ADGRG6: variants seen among roughly 807,000 people sequenced by gnomAD.
ADGRG6 encodes G-protein coupled receptor 126.
ADGRG6 carries 84 observed loss-of-function variants against 142.4 expected under a neutral mutation model. The ratio of observed to expected loss-of-function variants is 0.59; its 90% CI spans 0.49 to 0.71. The LOEUF (loss-of-function observed/expected upper bound fraction) is 0.71, where lower values mean the gene tolerates loss of function less well. ADGRG6 is among the 30% of genes least tolerant of loss of function. ADGRG6 has a pLI of 0.00. For missense variants in ADGRG6, 1,367 were observed against 1,466.6 expected, an observed-to-expected ratio of 0.93 and a Z score of 1.11; for synonymous variants, 521 against 520.5, an observed-to-expected ratio of 1.00 and a Z score of -0.01.
In ADGRG6 at chr6:142,309,584, T is replaced by C. The variant is rs771990833; in HGVS notation, c.43T>C (p.Trp15Arg). The change falls in exon 2 of 25, where the codon TGG becomes CGG. Residue 15 changes from tryptophan (W) to arginine (R), a missense_variant. Physicochemically the swap from Trp to Arg is moderately radical, Grantham distance 101. Transcript: ENST00000367609. ...SDRMWSCHWK[W>R]KPSPLLFLFA... The stretch of plus-strand genomic sequence containing the variant: ...TCGAATGTGGAGCTGCCATTGGAAA[T>C]GGAAGCCCAGTCCTCTCCTGTTCTT... 4 of 1,609,858 alleles carry C rather than the reference T, an allele frequency of 2.5e-6. No homozygotes were observed. The South Asian group carries it at 3.3e-5, about 13-fold the overall frequency.
At chr6:142,335,424 CA>C (rs1275296568) in intron 2 of ADGRG6, among the ~76,000 whole-genome samples, 1 of 152,056 alleles carries the variant, frequency 6.6e-6, no homozygotes, top group African/African-American at 2.4e-5. Flanking sequence ...AAATGGAGAA[CA>C]GGGGAGCACA....
At chr6:142,382,616 A>G (rs1394558468) in intron 5 of ADGRG6, among the ~76,000 whole-genome samples, 1 of 152,218 alleles carries the variant, frequency 6.6e-6, no homozygotes, top group East Asian at 1.9e-4. Context: ...AATTAAAGTT[A>G]TACAAGTTTT....
intron 18 of ADGRG6, 90 bp downstream of exon 18, chr6:142,411,501 TG>T (rs1200006841): frequency 1.3e-5 from 10 of 747,354 alleles, no homozygotes; most frequent in Admixed American, 1.3e-4. Flanking sequence ...TTATGTATTT[TG>T]GGAATTATTT....
intron 2 of ADGRG6, among the ~76,000 whole-genome samples, chr6:142,326,946 C>T (rs191196446): frequency 6.6e-6 from 1 of 152,148 alleles, no homozygotes; most frequent in Non-Finnish European, 1.5e-5. Context: ...ATCATTCTTT[C>T]AGAAACTGAT....
intron 2 of ADGRG6, among the ~76,000 whole-genome samples, chr6:142,336,736 A>G (rs912451117): frequency 1.3e-5 from 2 of 152,200 alleles, no homozygotes; most frequent in Non-Finnish European, 2.9e-5. Context: ...TTCTTTTATG[A>G]CACCCTCCTT....
At chr6:142,357,323 T>C (rs570648167) in intron 2 of ADGRG6, among the ~76,000 whole-genome samples, 45 of 152,304 alleles carry the variant, frequency 3.0e-4, no homozygotes, top group Admixed American at 5.9e-4. Context: ...TTATAAATAC[T>C]TTGAAAACTA....
At chr6:142,358,636 G>T (rs1223787706) in intron 2 of ADGRG6, among the ~76,000 whole-genome samples, 1 of 152,198 alleles carries the variant, frequency 6.6e-6, no homozygotes, top group Non-Finnish European at 1.5e-5. Context: ...GCTGGGCCCG[G>T]TGGCTCACAC....
chr6:142,385,609 A>G (rs1210667609), intron 6 of ADGRG6, among the ~76,000 whole-genome samples: 1 of 152,222 alleles, frequency 6.6e-6, no homozygotes, highest in Non-Finnish European at 1.5e-5. Context: ...AGTTGTAAAA[A>G]GTGAATATAA....
intron 22 of ADGRG6, among the ~76,000 whole-genome samples, chr6:142,428,630 C>CATGGT (rs1168206220): frequency 6.6e-6 from 1 of 152,122 alleles, no homozygotes; most frequent in Non-Finnish European, 1.5e-5. Flanking sequence ...GCACATCTTA[C>CATGGT]ATGGTGGCAG....
intron 9 of ADGRG6, among the ~76,000 whole-genome samples, chr6:142,396,200 C>T (rs372042371): frequency 2.6e-5 from 4 of 152,100 alleles, no homozygotes; most frequent in Non-Finnish European, 4.4e-5. Flanking sequence ...ACTGGAGTGG[C>T]GAAGCTTGTC....
intron 7 of ADGRG6, among the ~76,000 whole-genome samples, chr6:142,392,433 ATTG>A (rs1261103982): frequency 2.0e-5 from 3 of 151,796 alleles, no homozygotes; most frequent in African/African-American, 7.2e-5. Context: ...TTTAATTTAT[ATTG>A]TTAATTTATA....
intron 4 of ADGRG6, among the ~76,000 whole-genome samples, chr6:142,375,013 C>T (rs184986708): frequency 1.3e-5 from 2 of 152,230 alleles, no homozygotes; most frequent in Admixed American, 6.5e-5. Flanking sequence ...GAATGTATTT[C>T]TCCAGTCTAA....
intron 2 of ADGRG6, among the ~76,000 whole-genome samples, chr6:142,348,505 A>G (rs1305058926): frequency 2.0e-5 from 3 of 152,188 alleles, no homozygotes; most frequent in African/African-American, 7.2e-5. Flanking sequence ...CATTCCTGAC[A>G]TCATTTGGAA....
At position 142,382,024 on chromosome 6, in the gene ADGRG6, G is replaced by T. The variant is rs772641282; in HGVS notation, c.1138+5G>T. 2 of 1,572,516 alleles carry T rather than the reference G, an allele frequency of 1.3e-6. No individual in the cohort carries two copies. Among genetic ancestry groups the T allele is most frequent in the African/African-American group, 2.7e-5 (2 of 74,072 alleles). On this transcript the variant is annotated splice_donor_5th_base_variant and intron_variant, in intron 5 of 24. Transcript: ENST00000367609. ...ACCTGGGGACCCTCTGTCAAGGTAGGGAGCCCACACCGTGCTCTGGAATCT... is the reference window on the plus strand; with the variant it reads ...ACCTGGGGACCCTCTGTCAAGGTAGTGAGCCCACACCGTGCTCTGGAATCT...
chr6:142,362,093 A>G (rs1316139661), intron 2 of ADGRG6, among the ~76,000 whole-genome samples: 2 of 152,236 alleles, frequency 1.3e-5, no homozygotes, highest in Admixed American at 6.5e-5. Flanking sequence ...CATTAACAGT[A>G]TTACAGAAGA....
chr6:142,415,659 T>G, intron 19 of ADGRG6, 137 bp from the exon 20 acceptor site: 1 of 616,800 alleles, frequency 1.6e-6, no homozygotes, highest in Non-Finnish European at 2.8e-6. Context: ...CCCCTCCTTT[T>G]AGCAGAACCA....
intron 20 of ADGRG6, 136 bp downstream of exon 20, chr6:142,416,200 A>T (rs983873840): frequency 4.7e-6 from 3 of 642,878 alleles, no homozygotes; most frequent in African/African-American, 3.7e-5. Flanking sequence ...TGGATTAGAT[A>T]TACATAGCCT....
At chr6:142,417,892 G>A (rs1185687777) in intron 21 of ADGRG6, among the ~76,000 whole-genome samples, 1 of 151,992 alleles carries the variant, frequency 6.6e-6, no homozygotes, top group South Asian at 2.1e-4. Context: ...GTCCACCATG[G>A]GTACTCAATA....
At chr6:142,371,067 CAG>C (rs1201906589) in intron 4 of ADGRG6, 5 of 372,848 alleles carry the variant, frequency 1.3e-5, no homozygotes, top group Non-Finnish European at 1.9e-5. Context: ...TAAAATATCA[CAG>C]AGTTTATCAC....
Sources: gnomAD v4.1 joint callset for allele counts (sites outside exome capture counted in the v4.1 genomes callset) on GRCh38, gnomAD v4.1.1 for gene constraint, MANE v1.5 for transcripts, NCBI Gene and HGNC (gene_info 2026-07-23, HGNC 2026-07-21) for gene names.